The following MECOM variants were observed in gnomAD, a reference collection of about 807,000 sequenced individuals.
MECOM encodes the protein MDS1 and EVI1 complex locus.
In MECOM, 13 loss-of-function variants were observed where a neutral mutation model predicts 116.3. That is an observed-to-expected ratio of 0.11 (90% CI 0.07 to 0.18). The LOEUF is 0.18. Among genes scored for constraint, MECOM ranks in the 10% least tolerant of loss-of-function variants. MECOM has a pLI of 1.00. For synonymous variants in MECOM, 528 were observed against 535.2 expected, an observed-to-expected ratio of 0.99 and a Z score of 0.19; for missense variants, 1,299 against 1,509.0, an observed-to-expected ratio of 0.86 and a Z score of 2.31.
intron 2 of MECOM, among the ~76,000 whole-genome samples, chr3:169,169,415 T>C (rs73170013): frequency 0.07 from 10,685 of 152,228 alleles, 469 homozygotes; most frequent in South Asian, 0.19. Context: ...CAATTATTTA[T>C]GAATGTAAAT....
chr3:169,120,848 A>C, intron 7 of MECOM: 1 of 425,966 alleles, frequency 2.3e-6, no homozygotes, highest in Non-Finnish European at 3.9e-6. Context: ...ATTTCTTCTG[A>C]AAGAAAACAC....
intron 1 of MECOM, among the ~76,000 whole-genome samples, chr3:169,562,521 C>T (rs937032926): frequency 6.6e-6 from 1 of 152,148 alleles, no homozygotes; most frequent in African/African-American, 2.4e-5. Context: ...AAAACTCCGA[C>T]GCCGCAGTTT....
Position 169,357,075 on chromosome 3 carries a change from T to C in MECOM, c.375+24112A>G, listed in dbSNP as rs1225264969. On this transcript the variant is annotated intron_variant, in intron 2 of 16. Transcript: ENST00000651503. ...ATTTCTGTTTCTATTTTTTATGCCA[T>C]GGTACATGACATATGGTTAAGAGGC... 2.0e-5 allele frequency among the ~76,000 whole-genome samples: 3 copies of C among 151,870 alleles called. No individual in the cohort carries two copies. In the South Asian group the frequency reaches 6.2e-4, roughly 31 times the overall value.
intron 2 of MECOM, among the ~76,000 whole-genome samples, chr3:169,166,641 C>CA (rs55806293): frequency 0.07 from 10,703 of 152,052 alleles, 482 homozygotes; most frequent in South Asian, 0.19. Context: ...TGCAAATGTA[C>CA]GAGTTAAATT....
At chr3:169,600,325 A>G (rs1767688445) in intron 1 of MECOM, among the ~76,000 whole-genome samples, 1 of 152,204 alleles carries the variant, frequency 6.6e-6, no homozygotes, top group Non-Finnish European at 1.5e-5. Context: ...GCAAATTATA[A>G]GTACTCCCCA....
chr3:169,132,418 G>T (rs1027991305), intron 3 of MECOM, among the ~76,000 whole-genome samples: 18 of 151,832 alleles, frequency 1.2e-4, no homozygotes, highest in Non-Finnish European at 2.9e-5. Flanking sequence ...TTTGGTTTTT[G>T]TTCATTTAAA....
chr3:169,259,177 AAG>A (rs1443930243), intron 2 of MECOM, among the ~76,000 whole-genome samples: 1 of 152,224 alleles, frequency 6.6e-6, no homozygotes. Context: ...CCAGGACAAA[AAG>A]AAAAAGGGCC....
intron 2 of MECOM, among the ~76,000 whole-genome samples, chr3:169,220,764 C>A (rs139919460): frequency 6.6e-6 from 1 of 152,258 alleles, no homozygotes; most frequent in Non-Finnish European, 1.5e-5. Flanking sequence ...CTTAAGCCAC[C>A]GTGCCTGCCA....
At chr3:169,478,975 T>C (rs1335164714) in intron 1 of MECOM, among the ~76,000 whole-genome samples, 1 of 152,208 alleles carries the variant, frequency 6.6e-6, no homozygotes, top group Non-Finnish European at 1.5e-5. Flanking sequence ...GCATTATTTA[T>C]TCACCAAAAT....
intron 2 of MECOM, among the ~76,000 whole-genome samples, chr3:169,332,342 A>T (rs189377744): frequency 1.4e-4 from 21 of 152,294 alleles, no homozygotes; most frequent in Admixed American, 1.3e-3. Context: ...CCACAAGTTT[A>T]TAAGATGGGA....
intron 1 of MECOM, among the ~76,000 whole-genome samples, chr3:169,468,116 A>AT (rs140006697): frequency 0.37 from 55,243 of 149,852 alleles, 10,636 homozygotes; most frequent in Middle Eastern, 0.45. Context: ...AAACCCACTA[A>AT]TTTTTTTTTT....
intron 3 of MECOM, among the ~76,000 whole-genome samples, chr3:169,140,903 A>G (rs935801263): frequency 6.6e-6 from 1 of 152,166 alleles, no homozygotes; most frequent in South Asian, 2.1e-4. Context: ...TTCTTCACCC[A>G]CAAAGAAATC....
intron 1 of MECOM, among the ~76,000 whole-genome samples, chr3:169,648,051 A>C (rs541297930): frequency 5.9e-5 from 9 of 152,330 alleles, no homozygotes; most frequent in African/African-American, 2.2e-4. Flanking sequence ...CACCACAGAG[A>C]GCATTTTCCT....
intron 2 of MECOM, among the ~76,000 whole-genome samples, chr3:169,248,209 A>T (rs955998015): frequency 1.3e-5 from 2 of 152,216 alleles, no homozygotes; most frequent in Non-Finnish European, 2.9e-5. Flanking sequence ...CTCCAAACCA[A>T]TTAATCTGAA....
At chr3:169,625,017 A>G (rs1003797498) in intron 1 of MECOM, among the ~76,000 whole-genome samples, 4 of 147,392 alleles carry the variant, frequency 2.7e-5, no homozygotes, top group African/African-American at 1.0e-4. Context: ...AGCTCAGGAC[A>G]AGGAGATTTG....
At chr3:169,207,900 G>A (rs533698874) in intron 2 of MECOM, among the ~76,000 whole-genome samples, 3 of 152,080 alleles carry the variant, frequency 2.0e-5, no homozygotes, top group Non-Finnish European at 2.9e-5. Context: ...CACTGACCAC[G>A]CTGACGATGT....
intron 1 of MECOM, among the ~76,000 whole-genome samples, chr3:169,590,412 C>T (rs1766270442): frequency 6.6e-6 from 1 of 152,174 alleles, no homozygotes; most frequent in Non-Finnish European, 1.5e-5. Flanking sequence ...ATGAGCATAC[C>T]TGGCAAAATC....
chr3:169,392,687 G>C (rs547800424), intron 1 of MECOM, among the ~76,000 whole-genome samples: 1 of 152,116 alleles, frequency 6.6e-6, no homozygotes, highest in Non-Finnish European at 1.5e-5. Flanking sequence ...AAAGTGCTGA[G>C]TGCTAAAAGA....
At chr3:169,354,006 G>C (rs189078765) in intron 2 of MECOM, among the ~76,000 whole-genome samples, 2 of 151,660 alleles carry the variant, frequency 1.3e-5, no homozygotes, top group Admixed American at 6.6e-5. Flanking sequence ...CAGTAGATTC[G>C]CATAGCTGAA....
Sources: gnomAD v4.1 joint callset for allele counts (sites outside exome capture counted in the v4.1 genomes callset) on GRCh38, gnomAD v4.1.1 for gene constraint, MANE v1.5 for transcripts, NCBI Gene and HGNC (gene_info 2026-07-23, HGNC 2026-07-21) for gene names.